Variants in DMTF1 observed in about 807,000 individuals in gnomAD.
DMTF1 encodes the protein cyclin-D-binding Myb-like transcription factor 1.
A neutral mutation model predicts 91.1 loss-of-function variants in DMTF1; 39 were observed. The ratio of observed to expected loss-of-function variants is 0.43; its 90% CI spans 0.33 to 0.56. The LOEUF (loss-of-function observed/expected upper bound fraction) is 0.56, where lower values mean the gene tolerates loss of function less well. DMTF1 is among the 20% of genes least tolerant of loss of function. The pLI is 0.05. For synonymous variants in DMTF1, 338 were observed against 309.5 expected (o/e 1.09, Z -0.97); for missense variants, 750 against 914.5 (o/e 0.82, Z 2.32).
intron 1 of DMTF1, among the ~76,000 whole-genome samples, chr7:87,160,399 C>G (rs1186192025): frequency 6.6e-6 from 1 of 151,738 alleles, no homozygotes; most frequent in African/African-American, 2.4e-5. Context: ...CTCAGCCTCT[C>G]GAGTAGCTGG....
intron 4 of DMTF1, among the ~76,000 whole-genome samples, chr7:87,170,139 G>C (rs935648947): frequency 2.0e-5 from 3 of 151,948 alleles, no homozygotes; most frequent in Non-Finnish European, 4.4e-5. Flanking sequence ...AAAATTTAAC[G>C]TTATCCTTGG....
intron 16 of DMTF1, 62 bp from the exon 17 acceptor site, chr7:87,194,622 A>G (rs1160190931): frequency 2.3e-6 from 3 of 1,280,000 alleles, no homozygotes; most frequent in African/African-American, 1.5e-5. Context: ...ATACCTATAC[A>G]TGGGATTTTA....
At chr7:87,172,891 A>C (rs1584317094) in intron 5 of DMTF1, among the ~76,000 whole-genome samples, 1 of 152,376 alleles carries the variant, frequency 6.6e-6, no homozygotes, top group South Asian at 2.1e-4. Flanking sequence ...ACTTAGCTGC[A>C]TTAAGAATAA....
intron 4 of DMTF1, among the ~76,000 whole-genome samples, chr7:87,168,386 T>G (rs1433812631): frequency 6.6e-6 from 1 of 152,164 alleles, no homozygotes; most frequent in Admixed American, 6.5e-5. Flanking sequence ...ATTACTAGAG[T>G]CCATTTGTGA....
rs915835172 is a variant in DMTF1 at position 87,195,722 on chromosome 7, T to C, written c.*582T>C. 6.6e-6 allele frequency: 1 copy of C among 152,490 alleles called. No individual in the cohort carries two copies. The highest frequency in any genetic ancestry group is 1.5e-5 in the Non-Finnish European group (1 of 67,996). 9.4% of individuals were successfully genotyped at this position (152,490 alleles called of 1,614,324 possible). On this transcript the variant is annotated 3_prime_UTR_variant, in exon 18 of 18. Transcript: ENST00000331242. The stretch of plus-strand genomic sequence containing the variant: ...TTTAGGCAGGGTAAACAGGAAAGCA[T>C]TAAAAGTTAAAATTCACTACAGGTT...
At chr7:87,179,114 C>CT (rs1348830597) in intron 7 of DMTF1, among the ~76,000 whole-genome samples, 1 of 151,732 alleles carries the variant, frequency 6.6e-6, no homozygotes, top group Non-Finnish European at 1.5e-5. Context: ...CTGTTTGTGT[C>CT]TTTTTTTAAA....
In DMTF1 at chr7:87,185,783, A is replaced by G. The variant is rs748692186; in HGVS notation, c.1050-46A>G. ...CTGTAGTCAGAGGAGGGGTTCTTATAGAGAAATTAATTTAATGTCTAACGA... is the reference window on the plus strand; with the variant it reads ...CTGTAGTCAGAGGAGGGGTTCTTATGGAGAAATTAATTTAATGTCTAACGA... On this transcript the variant is annotated intron_variant, in intron 11 of 17. Transcript: ENST00000331242. 3.1e-6 allele frequency: 5 copies of G among 1,604,890 alleles called. No individual in the cohort carries two copies. The African/African-American group carries it at 5.3e-5, about 17-fold the overall frequency.
chr7:87,166,675 G>T, intron 4 of DMTF1, 70 bp downstream of exon 4: 1 of 1,488,124 alleles, frequency 6.7e-7, no homozygotes. Context: ...AAGGCTTTCA[G>T]TTGGCATTTC....
At chr7:87,192,840 G>C in intron 14 of DMTF1, 1 of 189,676 alleles carries the variant, frequency 5.3e-6, no homozygotes, top group South Asian at 1.3e-4. Flanking sequence ...AAACACTGCT[G>C]TTGTGCCTTT....
At chr7:87,176,220 C>G (rs911626784) in intron 7 of DMTF1, among the ~76,000 whole-genome samples, 4 of 152,188 alleles carry the variant, frequency 2.6e-5, no homozygotes, top group African/African-American at 4.8e-5. Context: ...TTTTAAAACT[C>G]TAATTCTTCA....
intron 4 of DMTF1, 99 bp downstream of exon 4, chr7:87,166,704 T>C: frequency 8.4e-7 from 1 of 1,185,944 alleles, no homozygotes; most frequent in South Asian, 1.3e-5. Flanking sequence ...TTGGACTTAC[T>C]GCTTTTTTCT....
At chr7:87,185,127 A>G (rs1347550072) in intron 11 of DMTF1, 1 of 236,952 alleles carries the variant, frequency 4.2e-6, no homozygotes, top group African/African-American at 2.3e-5. Context: ...AAGCTTTAAG[A>G]TATCATAATC....
chr7:87,190,912 T>C (rs374852025), intron 13 of DMTF1, 33 bp from the exon 14 acceptor site: 2 of 1,559,380 alleles, frequency 1.3e-6, no homozygotes, highest in African/African-American at 2.8e-5. Flanking sequence ...TTGTAAATTA[T>C]TCTTACCACA....
At chr7:87,179,323 A>G (rs531649553) in intron 7 of DMTF1, among the ~76,000 whole-genome samples, 15 of 152,124 alleles carry the variant, frequency 9.9e-5, no homozygotes, top group East Asian at 1.9e-4. Context: ...TGGAAATTCA[A>G]TTTATTGAAT....
intron 17 of DMTF1, 72 bp downstream of exon 17, chr7:87,194,900 G>A (rs948491969): frequency 5.3e-6 from 8 of 1,510,500 alleles, no homozygotes; most frequent in Non-Finnish European, 7.2e-6. Flanking sequence ...TAATTAACTT[G>A]TTTCAGTCTT....
chr7:87,188,229 T>A lies in DMTF1; in HGVS notation c.1339T>A (p.Leu447Met). ...GCATGTTCAGATAAGAGTTGCCCGC[T>A]TGGAAGATAATACAGCCATCTCTTC... ...VQHVQIRVAR[L>M]EDNTAISSSP... is the part of the protein sequence containing the mutation. The change falls in exon 13 of 18, where the codon TTG becomes ATG. Residue 447 changes from leucine (L) to methionine (M), a missense_variant. Physicochemically the swap from Leu to Met is conservative, Grantham distance 15 (BLOSUM62 2). Transcript: ENST00000331242. The A allele has an allele frequency of 1.2e-6, 2 of 1,613,994 alleles. No homozygotes were observed. The highest frequency in any genetic ancestry group is 1.7e-6 in the Non-Finnish European group (2 of 1,179,922).
Position 87,163,496 on chromosome 7 carries a change from G to C in DMTF1, c.-130G>C, listed in dbSNP as rs1444697034. 4 of 152,214 alleles carry C rather than the reference G, an allele frequency of 2.6e-5. No individual in the cohort carries two copies. Among genetic ancestry groups the C allele is most frequent in the Non-Finnish European group, 5.9e-5 (4 of 68,040 alleles). The allele number at this position is 152,214 out of a possible 1,614,324, so 9.4% of individuals were successfully genotyped here. A position where few individuals can be genotyped will look rare whatever the true frequency, so the allele number is the denominator to read the frequency against. ...TGTGTAATGCTGTTACTTTTTCAGA[G>C]TGTTGCGGAGATAGGAACATGGGAG... On this transcript the variant is annotated splice_region_variant and 5_prime_UTR_variant, in exon 2 of 18. Coordinates refer to ENST00000331242, the MANE Select transcript of DMTF1 (RefSeq NM_001142327.2).
In DMTF1 at chr7:87,162,373, TTAAG is replaced by T. The variant is rs377559703; in HGVS notation, c.-131-1118_-131-1115del. On this transcript the variant is annotated intron_variant, in intron 1 of 17. Coordinates refer to ENST00000331242, the MANE Select transcript of DMTF1 (RefSeq NM_001142327.2). ...ACCACGCCTGGTGCAGTGTTAAGTT[TTAAG>T]TAATAACTTTTGTTAGATGCCTACC... Among the ~76,000 whole-genome samples, 206 of 152,322 alleles carry T rather than the reference TTAAG, an allele frequency of 1.4e-3. 1 individual carries two copies. The highest frequency in any genetic ancestry group is 2.1e-3 in the Non-Finnish European group (143 of 68,028).
intron 12 of DMTF1, chr7:87,186,382 A>C: frequency 6.0e-6 from 1 of 167,362 alleles, no homozygotes; most frequent in Non-Finnish European, 1.3e-5. Flanking sequence ...AGCCTCCTGA[A>C]TAGCTCGGAC....
Sources: gnomAD v4.1 joint callset for allele counts (sites outside exome capture counted in the v4.1 genomes callset) on GRCh38, gnomAD v4.1.1 for gene constraint, MANE v1.5 for transcripts, NCBI Gene and HGNC (gene_info 2026-07-23, HGNC 2026-07-21) for gene names.